GOLGA8J: variants seen among roughly 807,000 people sequenced by gnomAD.
The protein encoded by GOLGA8J is golgin subfamily A member 8J.
In GOLGA8J, 19 loss-of-function variants were observed where a neutral mutation model predicts 67.7. That is an observed-to-expected ratio of 0.28 (90% CI 0.20 to 0.41). The LOEUF is 0.41. GOLGA8J is among the 10% of genes least tolerant of loss of function. GOLGA8J has a pLI of 1.00. For missense variants in GOLGA8J, 205 were observed against 584.3 expected, an observed-to-expected ratio of 0.35 and a Z score of 6.69; for synonymous variants, 69 against 215.9, an observed-to-expected ratio of 0.32 and a Z score of 5.97.
In GOLGA8J at chr15:30,096,667, T is replaced by C. The variant is rs2057471334; in HGVS notation, c.*3168T>C. ...CTGCTGGTGTGATGCCACTGTAATG[T>C]AATAAATTATTAAGTTGTTTCAATG... is the stretch of plus-strand genomic sequence containing the variant. On this transcript the variant is annotated 3_prime_UTR_variant, in exon 19 of 19. Coordinates refer to ENST00000567927, the MANE Select transcript of GOLGA8J (RefSeq NM_001282472.2). Among the ~76,000 whole-genome samples, 2 of 149,678 alleles carry C rather than the reference T, an allele frequency of 1.3e-5. No homozygotes were observed. The highest frequency in any genetic ancestry group is 5.0e-5 in the African/African-American group (2 of 40,172).
chr15:30,092,980 G>C lies in GOLGA8J; in HGVS notation c.1559G>C (p.Gly520Ala), dbSNP rs1383204820. ...GGHHQAGAQG[G>A]DEGEAAGAAA... is the part of the protein sequence containing the mutation. ...CACCATCAGGCTGGAGCTCAGGGAG[G>C]AGATGAAGGTAGGGTGTGCAACATT... Residue 520 changes from glycine (G) to alanine (A), a missense_variant, in exon 17 of 19, where the codon GGA becomes GCA. Coordinates refer to ENST00000567927, the MANE Select transcript of GOLGA8J (RefSeq NM_001282472.2). The C allele has an allele frequency of 3.6e-6, 5 of 1,397,846 alleles. No homozygotes were observed. The highest frequency in any genetic ancestry group is 2.6e-4 in the Middle Eastern group (1 of 3,814). The allele number at this position is 1,397,846 out of a possible 1,614,324, so 86.6% of individuals were successfully genotyped here. A position where few individuals can be genotyped will look rare whatever the true frequency, so the allele number is the denominator to read the frequency against.
Position 30,096,292 on chromosome 15 carries a change from T to C in GOLGA8J, c.*2793T>C, listed in dbSNP as rs560981678. Among the ~76,000 whole-genome samples, 1 of 150,740 alleles carries C rather than the reference T, an allele frequency of 6.6e-6. No homozygotes were observed. The highest frequency in any genetic ancestry group is 1.5e-5 in the Non-Finnish European group (1 of 67,912). On this transcript the variant is annotated 3_prime_UTR_variant, in exon 19 of 19. Transcript: ENST00000567927. ...CCAGAAATGAAAAAAAAAAATCAGC[T>C]CTAAAACCAAAGCTGATTTTAGAAA...
Position 30,094,349 on chromosome 15 carries a change from A to G in GOLGA8J, c.*850A>G, listed in dbSNP as rs1434891025. Among the ~76,000 whole-genome samples, 853 of 147,672 alleles carry G rather than the reference A, an allele frequency of 5.8e-3. 32 individuals carry two copies. Among genetic ancestry groups the G allele is most frequent in the African/African-American group, 6.6e-3 (255 of 38,352 alleles). On this transcript the variant is annotated 3_prime_UTR_variant, in exon 19 of 19. Coordinates refer to ENST00000567927, the MANE Select transcript of GOLGA8J (RefSeq NM_001282472.2). The stretch of plus-strand genomic sequence containing the variant: ...TTCTGAGGAATGAAAGGTTCCCATC[A>G]TTGACTGTGGATGTGGGAAACCTTT...
At position 30,084,856 on chromosome 15, in the gene GOLGA8J, A is replaced by G. The variant is rs761507821; in HGVS notation, c.134A>G (p.Lys45Arg). The G allele has an allele frequency of 7.0e-7, 1 of 1,427,362 alleles. No homozygotes were observed. The highest frequency in any genetic ancestry group is 2.4e-5 in the East Asian group (1 of 41,390). The allele number at this position is 1,427,362 out of a possible 1,614,324, so 88.4% of individuals were successfully genotyped here. The change falls in exon 2 of 19, where the codon AAA becomes AGA. Residue 45 changes from lysine (K) to arginine (R), a missense_variant. Transcript: ENST00000567927. ...AAAACAAATGGCAGTATCCCTGAGA[A>G]AGCCACTTCTGGTGGTTGCCAGCCA... ...NRKTNGSIPE[K>R]ATSGGCQPPR...
Position 30,094,204 on chromosome 15 carries a change from G to A in GOLGA8J, c.*705G>A, listed in dbSNP as rs983577557. 2.8e-5 allele frequency among the ~76,000 whole-genome samples: 4 copies of A among 141,734 alleles called. No homozygotes were observed. Among genetic ancestry groups the A allele is most frequent in the Non-Finnish European group, 4.5e-5 (3 of 67,210 alleles). The allele number at this position is 141,734 out of a possible 152,430, so 93.0% of individuals were successfully genotyped here. A position where few individuals can be genotyped will look rare whatever the true frequency, so the allele number is the denominator to read the frequency against. On this transcript the variant is annotated 3_prime_UTR_variant, in exon 19 of 19. Coordinates refer to ENST00000567927, the MANE Select transcript of GOLGA8J (RefSeq NM_001282472.2). The stretch of plus-strand genomic sequence containing the variant: ...GTGTGTTTCATCTGTTCCGGTGCCC[G>A]GAATTAGCAGTGTATTATGGTGGTT...
intron 1 of GOLGA8J, 73 bp from the exon 2 acceptor site, chr15:30,084,698 A>G: frequency 1.7e-6 from 1 of 601,550 alleles, no homozygotes; most frequent in Non-Finnish European, 2.5e-6. Context: ...TGTATTTTGT[A>G]AAAACTGTAA....
intron 12 of GOLGA8J, 61 bp downstream of exon 12, chr15:30,090,017 C>T (rs1299293748): frequency 7.0e-7 from 1 of 1,433,476 alleles, no homozygotes; most frequent in Non-Finnish European, 9.1e-7. Context: ...TTTGTTTCCC[C>T]ACCTCTAAAA....
At position 30,089,957 on chromosome 15, in the gene GOLGA8J, G is replaced by C; in HGVS notation, c.1131+1G>C. ...GCCACAGAGCGTCTTCAAGGAGCCG[G>C]TGCGTTGCCCAAACTGGGGAGCTTG... On this transcript the variant is annotated splice_donor_variant, in intron 12 of 18. Transcript: ENST00000567927. LOFTEE classifies it high-confidence loss of function. The C allele has an allele frequency of 6.5e-7, 1 of 1,529,942 alleles. No individual in the cohort carries two copies. Among genetic ancestry groups the C allele is most frequent in the Non-Finnish European group, 8.7e-7 (1 of 1,148,132 alleles). 94.8% of individuals were successfully genotyped at this position (1,529,942 alleles called of 1,614,324 possible). A position where few individuals can be genotyped will look rare whatever the true frequency, so the allele number is the denominator to read the frequency against.
In GOLGA8J at chr15:30,084,823, G is replaced by A; in HGVS notation, c.101G>A (p.Arg34Lys). ...NSPRVPAGAN[R>K]NRKTNGSIPE... is the part of the protein sequence containing the mutation. ...CCTAGAGTTCCAGCAGGAGCGAACA[G>A]GAACAGGAAAACAAATGGCAGTATC... Residue 34 changes from arginine to lysine, a missense_variant, in exon 2 of 19, where the codon AGG (arginine) becomes AAG (lysine). Physicochemically the swap from Arg to Lys is conservative, Grantham distance 26. Coordinates refer to ENST00000567927, the MANE Select transcript of GOLGA8J (RefSeq NM_001282472.2). The A allele has an allele frequency of 1.5e-6, 2 of 1,338,688 alleles. No individual in the cohort carries two copies. Among genetic ancestry groups the A allele is most frequent in the Non-Finnish European group, 1.9e-6 (2 of 1,029,264 alleles). 82.9% of individuals were successfully genotyped at this position (1,338,688 alleles called of 1,614,324 possible).
Position 30,093,844 on chromosome 15 carries a change from C to CT in GOLGA8J, c.*346dup, listed in dbSNP as rs924956051. ...ACTGTTCTCTTTGGTTTGGAATAGG[C>CT]TGCCATGCTTTTTTAATGTTATTGC... On this transcript the variant is annotated 3_prime_UTR_variant, in exon 19 of 19. Transcript: ENST00000567927. 1.2e-3 allele frequency among the ~76,000 whole-genome samples: 175 copies of CT among 142,400 alleles called. 8 individuals carry two copies. The highest frequency in any genetic ancestry group is 9.3e-4 in the Non-Finnish European group (62 of 66,704). The allele number at this position is 142,400 out of a possible 152,430, so 93.4% of individuals were successfully genotyped here. A position where few individuals can be genotyped will look rare whatever the true frequency, so the allele number is the denominator to read the frequency against.
At chr15:30,085,282 A>G (rs1875089491) in intron 2 of GOLGA8J, among the ~76,000 whole-genome samples, 1 of 104,884 alleles carries the variant, frequency 9.5e-6, no homozygotes, top group Non-Finnish European at 1.7e-5. Flanking sequence ...TCTGTCTCAA[A>G]GAAAAAAAAA....
intron 15 of GOLGA8J, 106 bp downstream of exon 15, chr15:30,092,239 AC>A: frequency 1.1e-6 from 1 of 949,892 alleles, no homozygotes; most frequent in Middle Eastern, 3.0e-4. Flanking sequence ...CTGGACCCTC[AC>A]CCCTTCCGAG....
In GOLGA8J at chr15:30,091,944, G is replaced by A. The variant is rs568400188; in HGVS notation, c.1277-98G>A. On this transcript the variant is annotated intron_variant, in intron 14 of 18. Coordinates refer to ENST00000567927, the MANE Select transcript of GOLGA8J (RefSeq NM_001282472.2). ...ACAGCTCATTCCTCTCTGGGGAGGG[G>A]CAGGCTCAGGGTTACACAGTGAGGG... 2,307 of 1,318,176 alleles carry A rather than the reference G, an allele frequency of 1.8e-3. 25 individuals are homozygous for A. The highest frequency in any genetic ancestry group is 0.011 in the South Asian group (900 of 80,000). 81.7% of individuals were successfully genotyped at this position (1,318,176 alleles called of 1,614,324 possible).
In GOLGA8J at chr15:30,094,660, C is replaced by G. The variant is rs536598627; in HGVS notation, c.*1161C>G. Among the ~76,000 whole-genome samples, 334 of 126,276 alleles carry G rather than the reference C, an allele frequency of 2.6e-3. 21 individuals are homozygous for G. The highest frequency in any genetic ancestry group is 4.7e-3 in the South Asian group (20 of 4,268). The allele number at this position is 126,276 out of a possible 152,430, so 82.8% of individuals were successfully genotyped here. Reference sequence around the variant, plus strand: ...GAGGCTTGAAGATTGATTTTACCATCTAGACCTCTTTGGCTAATACCTATT... The same window carrying G: ...GAGGCTTGAAGATTGATTTTACCATGTAGACCTCTTTGGCTAATACCTATT... On this transcript the variant is annotated 3_prime_UTR_variant, in exon 19 of 19. Transcript: ENST00000567927.
chr15:30,090,474 T>C (rs1048818033), intron 13 of GOLGA8J, among the ~76,000 whole-genome samples, 194 bp downstream of exon 13: 1 of 148,114 alleles, frequency 6.8e-6, no homozygotes, highest in Admixed American at 6.7e-5. Context: ...CCTGGGCTCC[T>C]CTAAGGTCTG....
chr15:30,087,529 C>A, intron 7 of GOLGA8J, 46 bp from the exon 8 acceptor site: 1 of 437,146 alleles, frequency 2.3e-6, no homozygotes, highest in Non-Finnish European at 3.8e-6. Context: ...TTTGACAGGT[C>A]TTCAGGGGGA....
At position 30,094,196 on chromosome 15, in the gene GOLGA8J, C is replaced by T. The variant is rs150271135; in HGVS notation, c.*697C>T. ...AGGATAGAGTGTGTTTCATCTGTTCCGGTGCCCGGAATTAGCAGTGTATTA... is the reference window on the plus strand; with the variant it reads ...AGGATAGAGTGTGTTTCATCTGTTCTGGTGCCCGGAATTAGCAGTGTATTA... On this transcript the variant is annotated 3_prime_UTR_variant, in exon 19 of 19. Coordinates refer to ENST00000567927, the MANE Select transcript of GOLGA8J (RefSeq NM_001282472.2). Among the ~76,000 whole-genome samples the T allele has an allele frequency of 8.4e-4, 120 of 142,842 alleles. 11 individuals carry two copies. In the East Asian group the frequency reaches 0.021, roughly 25 times the overall value. 93.7% of individuals were successfully genotyped at this position (142,842 alleles called of 152,430 possible).
intron 13 of GOLGA8J, among the ~76,000 whole-genome samples, 173 bp from the exon 14 acceptor site, chr15:30,091,362 G>A (rs1298017360): frequency 4.6e-3 from 613 of 134,002 alleles, no homozygotes; most frequent in Non-Finnish European, 4.7e-3. Context: ...AGTGACTGCA[G>A]CAGACCCAGC....
At position 30,089,960 on chromosome 15, in the gene GOLGA8J, C is replaced by G; in HGVS notation, c.1131+4C>G. On this transcript the variant is annotated splice_donor_region_variant and intron_variant, in intron 12 of 18. Coordinates refer to ENST00000567927, the MANE Select transcript of GOLGA8J (RefSeq NM_001282472.2). ...ACAGAGCGTCTTCAAGGAGCCGGTG[C>G]GTTGCCCAAACTGGGGAGCTTGCCC... The G allele has an allele frequency of 2.0e-6, 3 of 1,527,778 alleles. No individual in the cohort carries two copies. Among genetic ancestry groups the G allele is most frequent in the Non-Finnish European group, 2.6e-6 (3 of 1,147,402 alleles). The allele number at this position is 1,527,778 out of a possible 1,614,324, so 94.6% of individuals were successfully genotyped here.
Sources: allele counts gnomAD v4.1 joint callset (sites outside exome capture counted in the v4.1 genomes callset), GRCh38; gene constraint gnomAD v4.1.1; transcripts MANE v1.5; gene names NCBI Gene and HGNC (gene_info 2026-07-23, HGNC 2026-07-21).